PAPOLA: variants seen among roughly 807,000 people sequenced by gnomAD.
PAPOLA encodes polynucleotide adenylyltransferase alpha.
PAPOLA carries 15 observed loss-of-function variants against 100.6 expected under a neutral mutation model. That is an observed-to-expected ratio of 0.15 (90% confidence interval 0.10 to 0.23). PAPOLA has a LOEUF of 0.23. PAPOLA is among the 10% of genes least tolerant of loss of function. The probability of loss-of-function intolerance (pLI) is 1.00; values close to 1 mark genes in which losing one functional copy is unlikely to be tolerated. For missense variants in PAPOLA, 533 were observed against 884.2 expected, an observed-to-expected ratio of 0.60 and a Z score of 5.04; for synonymous variants, 293 against 300.0, an observed-to-expected ratio of 0.98 and a Z score of 0.24.
intron 13 of PAPOLA, 167 bp from the exon 14 acceptor site, chr14:96,542,607 T>G (rs1343504069): frequency 9.6e-6 from 6 of 627,990 alleles, no homozygotes; most frequent in Non-Finnish European, 1.6e-5. Context: ...AATGGAGTGT[T>G]TCTTGGCTCT....
intron 6 of PAPOLA, among the ~76,000 whole-genome samples, chr14:96,531,213 G>A (rs1898987057): frequency 1.3e-5 from 2 of 152,000 alleles, no homozygotes; most frequent in South Asian, 2.1e-4. Context: ...GTGTTAGCCA[G>A]GATGGTCTCG....
intron 8 of PAPOLA, 38 bp downstream of exon 8, chr14:96,532,458 T>C (rs1757983774): frequency 6.2e-7 from 1 of 1,606,262 alleles, no homozygotes; most frequent in Non-Finnish European, 8.5e-7. Flanking sequence ...ATTAAAAATG[T>C]TCAAACTTTT....
chr14:96,507,139 C>T (rs1896770323), intron 1 of PAPOLA, among the ~76,000 whole-genome samples: 1 of 152,134 alleles, frequency 6.6e-6, no homozygotes, highest in South Asian at 2.1e-4. Context: ...TCATATGCTT[C>T]AACTAGAACA....
intron 19 of PAPOLA, among the ~76,000 whole-genome samples, chr14:96,556,819 T>G (rs1162173915): frequency 2.0e-5 from 3 of 152,238 alleles, no homozygotes; most frequent in African/African-American, 7.2e-5. Context: ...TCTACTGTAC[T>G]TGGTGTTATA....
At chr14:96,552,772 TG>T (rs1900952705) in intron 17 of PAPOLA, 150 bp downstream of exon 17, 2 of 685,568 alleles carry the variant, frequency 2.9e-6, no homozygotes, top group African/African-American at 1.8e-5. Flanking sequence ...TTCCCAGGTT[TG>T]GGGATAGTAC....
chr14:96,515,276 A>ACATT (rs544493543), intron 1 of PAPOLA, among the ~76,000 whole-genome samples: 346 of 152,326 alleles, frequency 2.3e-3, no homozygotes, highest in Admixed American at 5.4e-3. Flanking sequence ...AATTCTTTAT[A>ACATT]CATTACCTTG....
Position 96,509,937 on chromosome 14 carries a change from T to C in PAPOLA, c.8+7337T>C, listed in dbSNP as rs117219183. Among the ~76,000 whole-genome samples, 38 of 151,884 alleles carry C rather than the reference T, an allele frequency of 2.5e-4. 1 individual carries two copies. In the East Asian group the frequency reaches 7.1e-3, roughly 29 times the overall value. On this transcript the variant is annotated intron_variant, in intron 1 of 21. Transcript: ENST00000216277. Reference sequence around the variant, plus strand: ...GATTTGCCACTTAGACGCCGCTTTGTTGTGGCCAGTACCTTTTGTGGGAGT... The same window carrying C: ...GATTTGCCACTTAGACGCCGCTTTGCTGTGGCCAGTACCTTTTGTGGGAGT...
intron 1 of PAPOLA, among the ~76,000 whole-genome samples, chr14:96,513,139 C>T (rs1897218781): frequency 6.6e-6 from 1 of 152,208 alleles, no homozygotes; most frequent in Non-Finnish European, 1.5e-5. Context: ...TCACAGATCA[C>T]TACAGCCTCA....
chr14:96,542,977 T>C (rs918884179), intron 14 of PAPOLA, 84 bp downstream of exon 14: 7 of 1,404,766 alleles, frequency 5.0e-6, no homozygotes, highest in Admixed American at 3.8e-5. Context: ...TTATAACTAG[T>C]ATAACTATTC....
chr14:96,520,835 A>AGAGAGAGAGAGAAAGC, intron 2 of PAPOLA, 171 bp from the exon 3 acceptor site: 1 of 534,990 alleles, frequency 1.9e-6, no homozygotes, highest in Non-Finnish European at 3.4e-6. Context: ...ATATAGAAAG[A>AGAGAGAGAGAGAAAGC]GAGAGAGAGA....
chr14:96,522,116 C>CTTTTTT (rs754167531), intron 3 of PAPOLA, among the ~76,000 whole-genome samples: 85 of 57,838 alleles, frequency 1.5e-3, no homozygotes, highest in Non-Finnish European at 1.7e-3. Flanking sequence ...TTCTTTCTTT[C>CTTTTTT]TTTTTTTTTT....
intron 4 of PAPOLA, chr14:96,526,409 T>G (rs1898484104): frequency 1.3e-5 from 2 of 152,404 alleles, no homozygotes; most frequent in Admixed American, 1.3e-4. Flanking sequence ...CTTGGCTTAC[T>G]GCACCTTCCA....
chr14:96,515,827 A>G (rs1897412989), intron 1 of PAPOLA, among the ~76,000 whole-genome samples: 1 of 152,206 alleles, frequency 6.6e-6, no homozygotes, highest in South Asian at 2.1e-4. Flanking sequence ...TCAAAGTAGA[A>G]TAGTGTCTGA....
intron 4 of PAPOLA, chr14:96,526,368 C>G (rs146321438): frequency 6.6e-6 from 1 of 152,422 alleles, no homozygotes; most frequent in East Asian, 1.9e-4. Context: ...GGGTCTTGCT[C>G]TGTTGCACAG....
rs540399063 is a variant in PAPOLA at position 96,524,799 on chromosome 14, C to T, written c.250-511C>T. On this transcript the variant is annotated intron_variant, in intron 3 of 21. Transcript: ENST00000216277. ...CCTCCCAAAGTGTTGGGATTATAGG[C>T]GTGAGCCACTGTGTGTGGCTACTAT... is the stretch of plus-strand genomic sequence containing the variant. Among the ~76,000 whole-genome samples the T allele has an allele frequency of 5.3e-5, 8 of 152,244 alleles. No homozygotes were observed. In the South Asian group the frequency reaches 1.2e-3, roughly 24 times the overall value.
rs978653532 is a variant in PAPOLA at position 96,556,407 on chromosome 14, A to G, written c.1998A>G (p.Thr666=). ...HKEESPKKTK[T]EEDETSEDAN... ...AAGAGAGTCCCAAGAAAACCAAAACAGAAGAGGTATATATATGAAAAACAT... is the reference window on the plus strand; with the variant it reads ...AAGAGAGTCCCAAGAAAACCAAAACGGAAGAGGTATATATATGAAAAACAT... Residue 666 remains threonine (T), a synonymous_variant, in exon 19 of 22, where the codon ACA becomes ACG. Coordinates refer to ENST00000216277, the MANE Select transcript of PAPOLA (RefSeq NM_032632.5). 1 of 1,589,770 alleles carries G rather than the reference A, an allele frequency of 6.3e-7. No homozygotes were observed. Among genetic ancestry groups the G allele is most frequent in the African/African-American group, 1.3e-5 (1 of 74,374 alleles).
chr14:96,531,994 G>A lies in PAPOLA; in HGVS notation c.608-337G>A, dbSNP rs1310255685. On this transcript the variant is annotated intron_variant, in intron 7 of 21. Transcript: ENST00000216277. ...CTTGTTACTGTGCTCTTGAAGAGCA[G>A]TTCTTGGAAACTTTAGTGGATTAAG... 3 of 1,237,564 alleles carry A rather than the reference G, an allele frequency of 2.4e-6. No individual in the cohort carries two copies. The East Asian group carries it at 1.2e-4, about 49-fold the overall frequency. 76.7% of individuals were successfully genotyped at this position (1,237,564 alleles called of 1,614,324 possible).
At chr14:96,518,925 C>T (rs1217871941) in intron 1 of PAPOLA, among the ~76,000 whole-genome samples, 3 of 151,818 alleles carry the variant, frequency 2.0e-5, no homozygotes, top group Non-Finnish European at 2.9e-5. Flanking sequence ...GGTGTGGTGG[C>T]ATGCACCTGT....
intron 17 of PAPOLA, among the ~76,000 whole-genome samples, chr14:96,553,896 G>A (rs1015739673): frequency 3.3e-5 from 5 of 152,210 alleles, no homozygotes; most frequent in Non-Finnish European, 1.5e-5. Flanking sequence ...CTGAGGTGTT[G>A]TGGATGTGTT....
Sources: gnomAD v4.1 joint callset for allele counts (sites outside exome capture counted in the v4.1 genomes callset) on GRCh38, gnomAD v4.1.1 for gene constraint, MANE v1.5 for transcripts, NCBI Gene and HGNC (gene_info 2026-07-23, HGNC 2026-07-21) for gene names.